Variants in ARNT2 observed in about 807,000 individuals in gnomAD.
ARNT2 encodes the protein aryl hydrocarbon receptor nuclear translocator 2.
ARNT2 carries 36 observed loss-of-function variants against 91.7 expected under a neutral mutation model. The ratio of observed to expected loss-of-function variants is 0.39; its 90% CI spans 0.30 to 0.52. The LOEUF (loss-of-function observed/expected upper bound fraction) is 0.52, where lower values mean the gene tolerates loss of function less well. Ranked by LOEUF, ARNT2 falls within the 20% of genes least tolerant of loss-of-function variation. The pLI, the probability that ARNT2 is intolerant of heterozygous loss-of-function variation, is 0.72. For synonymous variants in ARNT2, 365 were observed against 347.1 expected, an observed-to-expected ratio of 1.05 and a Z score of -0.57; for missense variants, 775 against 939.3, an observed-to-expected ratio of 0.83 and a Z score of 2.29.
intron 7 of ARNT2, 34 bp from the exon 8 acceptor site, chr15:80,514,286 T>C (rs372743565): frequency 6.2e-7 from 1 of 1,608,690 alleles, no homozygotes; most frequent in African/African-American, 1.3e-5. Context: ...CACCCTCATG[T>C]GATGAAAACA....
intron 12 of ARNT2, among the ~76,000 whole-genome samples, chr15:80,568,030 C>A (rs556283104): frequency 6.6e-6 from 1 of 152,306 alleles, no homozygotes; most frequent in Admixed American, 6.5e-5. Context: ...CAGTCAAAAG[C>A]ATCCAAAAGA....
intron 1 of ARNT2, chr15:80,444,588 T>C (rs1262928713): frequency 6.7e-6 from 1 of 149,354 alleles, no homozygotes; most frequent in Admixed American, 6.7e-5. Flanking sequence ...GGGGTGTGTG[T>C]ATATGATTGG....
At chr15:80,493,089 T>A (rs1897078632) in intron 5 of ARNT2, among the ~76,000 whole-genome samples, 1 of 152,118 alleles carries the variant, frequency 6.6e-6, no homozygotes, top group Non-Finnish European at 1.5e-5. Context: ...TGCTGTGTCA[T>A]CCCATGGTGG....
intron 1 of ARNT2, among the ~76,000 whole-genome samples, chr15:80,423,457 G>A (rs529354769): frequency 3.9e-5 from 6 of 152,030 alleles, no homozygotes; most frequent in Non-Finnish European, 7.4e-5. Flanking sequence ...TATGTCTAAT[G>A]TATTTTTTCA....
chr15:80,446,519 T>G (rs1302112514), intron 1 of ARNT2, among the ~76,000 whole-genome samples: 3 of 152,150 alleles, frequency 2.0e-5, no homozygotes, highest in Non-Finnish European at 4.4e-5. Flanking sequence ...CAGGGAAGGA[T>G]CTGCCTAGCC....
intron 11 of ARNT2, among the ~76,000 whole-genome samples, chr15:80,559,295 C>T (rs961634391): frequency 1.4e-4 from 21 of 152,172 alleles, no homozygotes; most frequent in African/African-American, 4.8e-4. Context: ...GATGGGAGGC[C>T]GAGACAGCAG....
intron 12 of ARNT2, 93 bp downstream of exon 12, chr15:80,563,332 G>A (rs4778606): frequency 0.028 from 42,084 of 1,492,918 alleles, 1,028 homozygotes; most frequent in African/African-American, 0.1. Flanking sequence ...TCTCCCTGCC[G>A]GCTCTCCCTG....
At chr15:80,499,400 C>T (rs1233575194) in intron 5 of ARNT2, among the ~76,000 whole-genome samples, 1 of 152,210 alleles carries the variant, frequency 6.6e-6, no homozygotes, top group East Asian at 1.9e-4. Context: ...CCTTGTCCTT[C>T]CTCTTCTGTC....
chr15:80,492,799 G>A (rs767226054), intron 5 of ARNT2, among the ~76,000 whole-genome samples: 1 of 151,990 alleles, frequency 6.6e-6, no homozygotes, highest in Non-Finnish European at 1.5e-5. Context: ...GCCTCCATTT[G>A]GGTATTCATT....
At chr15:80,554,196 G>T (rs1898135321) in intron 10 of ARNT2, among the ~76,000 whole-genome samples, 1 of 152,172 alleles carries the variant, frequency 6.6e-6, no homozygotes, top group Non-Finnish European at 1.5e-5. Flanking sequence ...ATCACTTGAG[G>T]TCAGGAGTTA....
At chr15:80,420,164 C>A (rs1189570696) in intron 1 of ARNT2, among the ~76,000 whole-genome samples, 4 of 152,132 alleles carry the variant, frequency 2.6e-5, no homozygotes, top group Non-Finnish European at 5.9e-5. Flanking sequence ...AAAAAAAAGA[C>A]CCTATGAACA....
chr15:80,563,088 GTGGTT>G lies in ARNT2; in HGVS notation c.1166_1170del (p.Val389GlufsTer36). 1 of 1,614,068 alleles carries G rather than the reference GTGGTT, an allele frequency of 6.2e-7. No homozygotes were observed. Among genetic ancestry groups the G allele is most frequent in the Non-Finnish European group, 8.5e-7 (1 of 1,180,014 alleles). On this transcript the variant is annotated frameshift_variant and splice_region_variant, in exon 12 of 19. Coordinates refer to ENST00000303329, the MANE Select transcript of ARNT2 (RefSeq NM_014862.4). LOFTEE classifies it high-confidence loss of function. ...CTTCCTTCTCCAAATGTTTTCTCAG[GTGGTT>G]AAGCTGAAAGGCCAAGTCCTGTCGG...
intron 5 of ARNT2, among the ~76,000 whole-genome samples, chr15:80,482,436 C>T (rs1019132110): frequency 2.0e-5 from 3 of 152,078 alleles, no homozygotes; most frequent in South Asian, 2.1e-4. Flanking sequence ...TGGGGATTAT[C>T]GGCCCCATTT....
At chr15:80,414,887 G>A (rs1034759059) in intron 1 of ARNT2, among the ~76,000 whole-genome samples, 5 of 151,958 alleles carry the variant, frequency 3.3e-5, no homozygotes, top group African/African-American at 1.2e-4. Context: ...TGGTGGTGGT[G>A]TGGTGGGGGT....
intron 1 of ARNT2, among the ~76,000 whole-genome samples, chr15:80,445,648 A>T (rs1896286866): frequency 6.6e-6 from 1 of 151,866 alleles, no homozygotes; most frequent in Non-Finnish European, 1.5e-5. Flanking sequence ...CCAGCTCAGG[A>T]CTCAGCTCCG....
intron 5 of ARNT2, among the ~76,000 whole-genome samples, chr15:80,482,410 A>G (rs1015047909): frequency 1.3e-5 from 2 of 152,162 alleles, no homozygotes; most frequent in African/African-American, 4.8e-5. Flanking sequence ...TCTGGGGCTC[A>G]TCAAGGTCCT....
chr15:80,413,027 G>A (rs1003551098), intron 1 of ARNT2, among the ~76,000 whole-genome samples: 2 of 152,200 alleles, frequency 1.3e-5, no homozygotes, highest in Non-Finnish European at 2.9e-5. Flanking sequence ...TGTCTATAAA[G>A]GGCAACTGTG....
intron 2 of ARNT2, among the ~76,000 whole-genome samples, chr15:80,457,214 T>C (rs1421547171): frequency 6.6e-6 from 1 of 152,224 alleles, no homozygotes; most frequent in South Asian, 2.1e-4. Flanking sequence ...GTCTTATGTT[T>C]ACACTGAGAG....
At chr15:80,417,669 C>G (rs1418341668) in intron 1 of ARNT2, among the ~76,000 whole-genome samples, 2 of 151,966 alleles carry the variant, frequency 1.3e-5, no homozygotes, top group African/African-American at 4.8e-5. Flanking sequence ...TCTCCCCAAC[C>G]CCCTCCCTTT....
Sources: gnomAD v4.1 joint callset for allele counts (sites outside exome capture counted in the v4.1 genomes callset) on GRCh38, gnomAD v4.1.1 for gene constraint, MANE v1.5 for transcripts, NCBI Gene and HGNC (gene_info 2026-07-23, HGNC 2026-07-21) for gene names.